Variants in GABRA3 observed in about 807,000 individuals in gnomAD.
GABRA3 encodes gamma-aminobutyric acid type A receptor subunit alpha3.
In GABRA3, 10 loss-of-function variants were observed where a neutral mutation model predicts 30.1. The ratio of observed to expected loss-of-function variants is 0.33; its 90% CI spans 0.20 to 0.56. The LOEUF (loss-of-function observed/expected upper bound fraction) is 0.56, where lower values mean the gene tolerates loss of function less well. GABRA3 is among the 20% of genes least tolerant of loss of function. The probability of loss-of-function intolerance (pLI) is 0.89; values close to 1 mark genes in which losing one functional copy is unlikely to be tolerated. For synonymous variants in GABRA3, 151 were observed against 146.8 expected (o/e 1.03, Z -0.21); for missense variants, 233 against 392.0 (o/e 0.59, Z 3.42).
chrX:152,230,372 G>A (rs1170994672), intron 5 of GABRA3, among the ~76,000 whole-genome samples: 1 of 111,362 alleles, frequency 9.0e-6, no homozygotes, highest in African/African-American at 3.2e-5. Context: ...CACAAATTTA[G>A]AAGTCCTAAT....
chrX:152,179,537 C>T (rs1347631937), intron 9 of GABRA3, among the ~76,000 whole-genome samples: 2 of 104,896 alleles, frequency 1.9e-5, no homozygotes, highest in Non-Finnish European at 3.9e-5. Flanking sequence ...CTCTGTCGCT[C>T]AGGCTGGAGT....
intron 3 of GABRA3, among the ~76,000 whole-genome samples, chrX:152,337,707 T>C (rs1940254445): frequency 9.0e-6 from 1 of 111,154 alleles, no homozygotes; most frequent in African/African-American, 3.3e-5. Context: ...TAGTCCCAGC[T>C]ATTCAGGAGG....
intron 1 of GABRA3, among the ~76,000 whole-genome samples, chrX:152,438,950 G>A (rs1040573783): frequency 9.1e-6 from 1 of 110,226 alleles, no homozygotes; most frequent in Non-Finnish European, 1.9e-5. Flanking sequence ...CAAAGAGTGT[G>A]CACAAATGCA....
At chrX:152,201,138 T>C (rs1937478563) in intron 7 of GABRA3, among the ~76,000 whole-genome samples, 1 of 112,556 alleles carries the variant, frequency 8.9e-6, no homozygotes, top group African/African-American at 3.2e-5. Flanking sequence ...GCTTAGCAAA[T>C]TAATTTATTA....
At position 152,211,173 on chromosome X, in the gene GABRA3, C is replaced by T. The variant is rs148688086; in HGVS notation, c.635-3029G>A. On this transcript the variant is annotated intron_variant, in intron 6 of 9. Coordinates refer to ENST00000370314, the MANE Select transcript of GABRA3 (RefSeq NM_000808.4). The stretch of plus-strand genomic sequence containing the variant: ...ACCCAAGATTTTGGCAGTGTAAAAA[C>T]TAGAACAGGTTCGTTCAGGGAAAGA... Among the ~76,000 whole-genome samples the T allele has an allele frequency of 6.9e-3, 761 of 110,504 alleles. 12 individuals are homozygous for T. The highest frequency in any genetic ancestry group is 0.024 in the African/African-American group (716 of 30,406).
chrX:152,185,647 C>T (rs1159214361), intron 9 of GABRA3, among the ~76,000 whole-genome samples: 3 of 111,574 alleles, frequency 2.7e-5, no homozygotes, highest in Non-Finnish European at 5.6e-5. Context: ...GAACAGTGTA[C>T]TCTAAACACG....
intron 4 of GABRA3, among the ~76,000 whole-genome samples, chrX:152,258,533 T>C (rs1365436957): frequency 1.8e-5 from 2 of 111,909 alleles, no homozygotes; most frequent in Non-Finnish European, 3.8e-5. Context: ...GACTACAATT[T>C]CCAGAATTGT....
chrX:152,314,104 C>G (rs1455010586), intron 3 of GABRA3, among the ~76,000 whole-genome samples: 1 of 111,755 alleles, frequency 8.9e-6, no homozygotes, highest in Non-Finnish European at 1.9e-5. Context: ...CACATCCAAG[C>G]ACACCAGGAC....
intron 5 of GABRA3, among the ~76,000 whole-genome samples, chrX:152,250,063 C>G: frequency 9.0e-6 from 1 of 111,203 alleles, no homozygotes; most frequent in Non-Finnish European, 1.9e-5. Context: ...AAACCCTCCT[C>G]TACCTCAGCC....
intron 1 of GABRA3, among the ~76,000 whole-genome samples, chrX:152,386,084 T>C (rs1929300204): frequency 9.3e-6 from 1 of 107,930 alleles, no homozygotes; most frequent in Non-Finnish European, 1.9e-5. Flanking sequence ...GGGCTCTTTT[T>C]TGGTTCCATA....
At chrX:152,331,799 C>T (rs1236057703) in intron 3 of GABRA3, among the ~76,000 whole-genome samples, 2 of 111,825 alleles carry the variant, frequency 1.8e-5, no homozygotes, top group African/African-American at 6.5e-5. Context: ...CAGTCCAAGA[C>T]TGTTCCCATC....
At chrX:152,224,153 A>G (rs1323005386) in intron 6 of GABRA3, among the ~76,000 whole-genome samples, 2 of 111,551 alleles carry the variant, frequency 1.8e-5, no homozygotes, top group African/African-American at 3.3e-5. Context: ...TCTATGTGAA[A>G]CTCACTCTGA....
intron 2 of GABRA3, among the ~76,000 whole-genome samples, chrX:152,349,373 G>A (rs1345272640): frequency 2.7e-5 from 3 of 109,986 alleles, no homozygotes; most frequent in East Asian, 2.9e-4. Flanking sequence ...AAACACCATC[G>A]AGACTAGGAA....
At chrX:152,183,346 C>T (rs766330704) in intron 9 of GABRA3, among the ~76,000 whole-genome samples, 18 of 110,472 alleles carry the variant, frequency 1.6e-4, no homozygotes, top group Non-Finnish European at 2.7e-4. Flanking sequence ...TGTTGGCATA[C>T]AATTGTTTAT....
intron 1 of GABRA3, among the ~76,000 whole-genome samples, chrX:152,370,906 A>C (rs944959698): frequency 9.0e-6 from 1 of 110,951 alleles, no homozygotes; most frequent in East Asian, 2.9e-4. Context: ...CAATCTTAGA[A>C]TTGCTCATCA....
At chrX:152,419,155 C>T (rs780141808) in intron 1 of GABRA3, among the ~76,000 whole-genome samples, 24 of 107,357 alleles carry the variant, frequency 2.2e-4, no homozygotes, top group South Asian at 4.3e-4. Context: ...GTGGGGGGTG[C>T]GGGGAGGGAT....
chrX:152,194,485 T>A (rs1287551687), intron 8 of GABRA3, among the ~76,000 whole-genome samples: 4 of 111,878 alleles, frequency 3.6e-5, no homozygotes, highest in Non-Finnish European at 7.5e-5. Context: ...TGCCATTTCA[T>A]TATCTTAATG....
chrX:152,378,155 C>A (rs1401472480), intron 1 of GABRA3, among the ~76,000 whole-genome samples: 1 of 111,758 alleles, frequency 8.9e-6, no homozygotes, highest in Non-Finnish European at 1.9e-5. Context: ...TTGTATTAGG[C>A]TTTGGGAAAC....
intron 1 of GABRA3, among the ~76,000 whole-genome samples, chrX:152,425,399 G>A (rs936895115): frequency 5.4e-5 from 6 of 110,590 alleles, no homozygotes; most frequent in African/African-American, 2.0e-4. Flanking sequence ...ATTTTTACCC[G>A]TCTAGGTAAA....
Sources: gnomAD v4.1 joint callset for allele counts (sites outside exome capture counted in the v4.1 genomes callset) on GRCh38, gnomAD v4.1.1 for gene constraint, MANE v1.5 for transcripts, NCBI Gene and HGNC (gene_info 2026-07-23, HGNC 2026-07-21) for gene names.